SLC24A3: variants seen among roughly 807,000 people sequenced by gnomAD.
SLC24A3 encodes solute carrier family 24 member 3, also known as sodium/potassium/calcium exchanger 3.
A neutral mutation model predicts 75.8 loss-of-function variants in SLC24A3; 28 were observed. That is an observed-to-expected ratio of 0.37 (90% CI 0.27 to 0.51). SLC24A3 has a LOEUF of 0.51. Ranked by LOEUF, SLC24A3 falls within the 20% of genes least tolerant of loss-of-function variation. SLC24A3 has a pLI of 0.94. For missense variants in SLC24A3, 663 were observed against 847.8 expected, an observed-to-expected ratio of 0.78 and a Z score of 2.71; for synonymous variants, 372 against 334.1, an observed-to-expected ratio of 1.11 and a Z score of -1.24.
chr20:19,526,240 A>G (rs1011207778), intron 3 of SLC24A3, among the ~76,000 whole-genome samples: 18 of 152,120 alleles, frequency 1.2e-4, no homozygotes, highest in Non-Finnish European at 2.2e-4. Context: ...TTTGGACTTG[A>G]CAAGTCCTAT....
intron 9 of SLC24A3, among the ~76,000 whole-genome samples, chr20:19,678,488 A>C (rs1216224466): frequency 7.4e-5 from 9 of 122,166 alleles, no homozygotes; most frequent in African/African-American, 2.6e-4. Flanking sequence ...TCCCTCCCGG[A>C]CGGGGCGGCT....
At chr20:19,587,536 A>G (rs914121996) in intron 6 of SLC24A3, among the ~76,000 whole-genome samples, 1 of 152,176 alleles carries the variant, frequency 6.6e-6, no homozygotes, top group East Asian at 1.9e-4. Flanking sequence ...CTGGATGCCA[A>G]CCTTTCCTTC....
At chr20:19,374,441 G>A (rs1413352120) in intron 2 of SLC24A3, among the ~76,000 whole-genome samples, 3 of 152,200 alleles carry the variant, frequency 2.0e-5, no homozygotes, top group Non-Finnish European at 4.4e-5. Flanking sequence ...AATACTGACT[G>A]TTGAATGAGC....
chr20:19,656,121 G>A (rs1240476736), intron 7 of SLC24A3, among the ~76,000 whole-genome samples: 1 of 152,164 alleles, frequency 6.6e-6, no homozygotes, highest in Non-Finnish European at 1.5e-5. Context: ...CAAATAAAAT[G>A]AACATGAGGG....
chr20:19,545,337 A>G (rs1164062936), intron 3 of SLC24A3, among the ~76,000 whole-genome samples: 1 of 152,190 alleles, frequency 6.6e-6, no homozygotes, highest in South Asian at 2.1e-4. Flanking sequence ...GGATCTCCCA[A>G]TGCTCAGCTT....
At chr20:19,331,204 A>G (rs995535038) in intron 2 of SLC24A3, among the ~76,000 whole-genome samples, 1 of 152,220 alleles carries the variant, frequency 6.6e-6, no homozygotes, top group Non-Finnish European at 1.5e-5. Flanking sequence ...TATCAGTGAT[A>G]AACTTACTGG....
At chr20:19,219,712 A>T (rs1368779741) in intron 1 of SLC24A3, among the ~76,000 whole-genome samples, 1 of 152,264 alleles carries the variant, frequency 6.6e-6, no homozygotes, top group African/African-American at 2.4e-5. Context: ...GCCAACAGAC[A>T]CAAATAACAA....
At chr20:19,684,671 G>A (rs11904900) in intron 11 of SLC24A3, among the ~76,000 whole-genome samples, 5 of 152,258 alleles carry the variant, frequency 3.3e-5, no homozygotes, top group African/African-American at 1.2e-4. Context: ...GGTTACCTTA[G>A]TTTAAAGTAA....
At chr20:19,544,555 G>T (rs375415525) in intron 3 of SLC24A3, among the ~76,000 whole-genome samples, 3 of 152,122 alleles carry the variant, frequency 2.0e-5, no homozygotes, top group Non-Finnish European at 4.4e-5. Flanking sequence ...AAATTCACAG[G>T]GTTAAAGATT....
chr20:19,215,760 CT>C (rs1981536656), intron 1 of SLC24A3, among the ~76,000 whole-genome samples: 1 of 152,166 alleles, frequency 6.6e-6, no homozygotes, highest in African/African-American at 2.4e-5. Flanking sequence ...TCCAAGATCC[CT>C]TTCTAGACAT....
chr20:19,449,262 C>A (rs755073024), intron 2 of SLC24A3, among the ~76,000 whole-genome samples: 8 of 152,224 alleles, frequency 5.3e-5, no homozygotes, highest in Non-Finnish European at 1.2e-4. Flanking sequence ...AGGGACTGAG[C>A]AGCTTTGCGA....
rs201204507 is a variant in SLC24A3, at chr20:19,346,077, A to ATGG, written c.271+64991_271+64992insGGT. On this transcript the variant is annotated intron_variant, in intron 2 of 16. Transcript: ENST00000328041. The stretch of plus-strand genomic sequence containing the variant: ...AATAAAGAAAACTATATATATATAT[A>ATGG]TATATATATATATATATATATATAT... 1.8e-4 allele frequency among the ~76,000 whole-genome samples: 11 copies of ATGG among 60,296 alleles called. 2 individuals are homozygous for ATGG. Among genetic ancestry groups the ATGG allele is most frequent in the African/African-American group, 1.6e-3 (10 of 6,450 alleles). The allele number at this position is 60,296 out of a possible 152,430, so 39.6% of individuals were successfully genotyped here. A position where few individuals can be genotyped will look rare whatever the true frequency, so the allele number is the denominator to read the frequency against.
At chr20:19,666,863 A>G (rs564946937) in intron 8 of SLC24A3, among the ~76,000 whole-genome samples, 1 of 152,332 alleles carries the variant, frequency 6.6e-6, no homozygotes, top group African/African-American at 2.4e-5. Flanking sequence ...CGTTTTCGAG[A>G]TGGGTTCTGA....
At chr20:19,553,347 G>A (rs2030732006) in intron 3 of SLC24A3, among the ~76,000 whole-genome samples, 1 of 152,052 alleles carries the variant, frequency 6.6e-6, no homozygotes, top group Non-Finnish European at 1.5e-5. Context: ...AAAAACCATG[G>A]GGAAATAGAC....
rs906024261 is a variant in SLC24A3, at chr20:19,597,212, C to A, written c.612+11668C>A. On this transcript the variant is annotated intron_variant, in intron 6 of 16. Coordinates refer to ENST00000328041, the MANE Select transcript of SLC24A3 (RefSeq NM_020689.4). ...GAACGGCCTGGGCAACATAGTGAGA[C>A]CCCATTTCTAAAAAAAGTTTAAGAA... 2.6e-5 allele frequency among the ~76,000 whole-genome samples: 4 copies of A among 152,062 alleles called. No homozygotes were observed. In the East Asian group the frequency reaches 5.8e-4, roughly 22 times the overall value.
intron 2 of SLC24A3, among the ~76,000 whole-genome samples, chr20:19,442,777 G>A (rs1253794170): frequency 6.6e-6 from 1 of 151,984 alleles, no homozygotes; most frequent in Non-Finnish European, 1.5e-5. Flanking sequence ...CAAACCCAAG[G>A]TCACCTATAT....
intron 4 of SLC24A3, among the ~76,000 whole-genome samples, chr20:19,583,113 C>T (rs955164222): frequency 6.6e-6 from 1 of 152,120 alleles, no homozygotes; most frequent in African/African-American, 2.4e-5. Flanking sequence ...TCCCAGGGCT[C>T]CTAGCTGCAG....
At chr20:19,435,614 G>A (rs1987185600) in intron 2 of SLC24A3, among the ~76,000 whole-genome samples, 1 of 152,114 alleles carries the variant, frequency 6.6e-6, no homozygotes, top group African/African-American at 2.4e-5. Flanking sequence ...GTCACCTTTG[G>A]AGCTTTTTCC....
At chr20:19,451,878 T>A (rs143558492) in intron 2 of SLC24A3, among the ~76,000 whole-genome samples, 125 of 152,302 alleles carry the variant, frequency 8.2e-4, no homozygotes, top group African/African-American at 2.3e-3. Context: ...TTTTTTCCCC[T>A]AGCAGTGCTA....
Sources: allele counts gnomAD v4.1 joint callset (sites outside exome capture counted in the v4.1 genomes callset), GRCh38; gene constraint gnomAD v4.1.1; transcripts MANE v1.5; gene names NCBI Gene and HGNC (gene_info 2026-07-23, HGNC 2026-07-21).